PROX1: variants seen among roughly 807,000 people sequenced by gnomAD.
PROX1 encodes the protein prospero homeobox protein 1.
PROX1 carries 7 observed loss-of-function variants against 58.8 expected under a neutral mutation model. The observed-to-expected ratio is 0.12, with a 90% CI of 0.07 to 0.22. The LOEUF is 0.22. PROX1 is among the 10% of genes least tolerant of loss of function. The pLI is 1.00. For missense variants in PROX1, 675 were observed against 927.8 expected (o/e 0.73, Z 3.54); for synonymous variants, 350 against 358.3 (o/e 0.98, Z 0.26).
Position 214,039,929 on chromosome 1 carries a change from C to T in PROX1, c.*4095C>T, listed in dbSNP as rs1220670566. ...AATTTATGAAAGAAAGAGTAGTTTA[C>T]AGACTCCCCTGAAAGAAGCAGTGTA... On this transcript the variant is annotated 3_prime_UTR_variant, in exon 5 of 5. Transcript: ENST00000366958. 2 of 152,112 alleles carry T rather than the reference C, an allele frequency of 1.3e-5. No individual in the cohort carries two copies. The highest frequency in any genetic ancestry group is 4.8e-5 in the African/African-American group (2 of 41,418). 9.4% of individuals were successfully genotyped at this position (152,112 alleles called of 1,614,324 possible).
At chr1:214,018,848 G>T (rs927167199) in intron 4 of PROX1, among the ~76,000 whole-genome samples, 6 of 152,278 alleles carry the variant, frequency 3.9e-5, no homozygotes, top group African/African-American at 1.4e-4. Context: ...GGTATTTAAA[G>T]AGAACCTGTA....
intron 4 of PROX1, among the ~76,000 whole-genome samples, chr1:214,023,854 A>T (rs1233031481): frequency 6.6e-6 from 1 of 152,238 alleles, no homozygotes; most frequent in Non-Finnish European, 1.5e-5. Context: ...CCTGAGAACA[A>T]GTAAATACTT....
intron 4 of PROX1, among the ~76,000 whole-genome samples, chr1:214,018,978 T>C (rs2102748384): frequency 6.6e-6 from 1 of 152,274 alleles, no homozygotes; most frequent in African/African-American, 2.4e-5. Context: ...GCCAAGTTCT[T>C]TGTGCTACAA....
chr1:213,996,356 T>A, intron 1 of PROX1, 113 bp from the exon 2 acceptor site: 1 of 613,850 alleles, frequency 1.6e-6, no homozygotes, highest in Non-Finnish European at 2.7e-6. Context: ...ATAATTGTAA[T>A]GTGCCATAAA....
intron 4 of PROX1, among the ~76,000 whole-genome samples, chr1:214,015,769 G>A (rs935060127): frequency 2.6e-5 from 4 of 152,192 alleles, no homozygotes; most frequent in African/African-American, 9.7e-5. Context: ...AGAAAAGAAT[G>A]TGCCAGATTC....
At chr1:214,021,202 C>A (rs1247289766) in intron 4 of PROX1, among the ~76,000 whole-genome samples, 4 of 152,198 alleles carry the variant, frequency 2.6e-5, no homozygotes, top group African/African-American at 9.6e-5. Flanking sequence ...TTTTATCACC[C>A]ATGAGTTTTA....
chr1:214,036,581 A>G lies in PROX1; in HGVS notation c.*747A>G, dbSNP rs1439011500. On this transcript the variant is annotated 3_prime_UTR_variant, in exon 5 of 5. Transcript: ENST00000366958. ...TCTTGTAGCCACCTCTCTAAACTTG[A>G]AAATAGGTTCTTCTTCATAAGTGAG... 6.6e-6 allele frequency: 1 copy of G among 152,188 alleles called. No homozygotes were observed. The highest frequency in any genetic ancestry group is 1.5e-5 in the Non-Finnish European group (1 of 68,026). The allele number at this position is 152,188 out of a possible 1,614,324, so 9.4% of individuals were successfully genotyped here. A position where few individuals can be genotyped will look rare whatever the true frequency, so the allele number is the denominator to read the frequency against.
In PROX1 at chr1:214,005,086, T is replaced by C. The variant is rs1203326575; in HGVS notation, c.1726-79T>C. 6.3e-6 allele frequency: 7 copies of C among 1,106,924 alleles called. No homozygotes were observed. In the Admixed American group the frequency reaches 1.1e-4, roughly 17 times the overall value. The allele number at this position is 1,106,924 out of a possible 1,614,324, so 68.6% of individuals were successfully genotyped here. A position where few individuals can be genotyped will look rare whatever the true frequency, so the allele number is the denominator to read the frequency against. ...CAGCTTGATGGACCCCCAGACTCTATGGAGGTGGGGACTGGAGGGAGGGAG... is the reference window on the plus strand; with the variant it reads ...CAGCTTGATGGACCCCCAGACTCTACGGAGGTGGGGACTGGAGGGAGGGAG... On this transcript the variant is annotated intron_variant, in intron 2 of 4. Coordinates refer to ENST00000366958, the MANE Select transcript of PROX1 (RefSeq NM_001270616.2).
At chr1:213,984,326 T>C (rs555081896), upstream of PROX1, 3 of 152,364 alleles carry the variant, frequency 2.0e-5, no homozygotes, top group South Asian at 6.2e-4. Context: ...GGCAGACTCT[T>C]ATTTGGGAGT....
At chr1:214,033,260 G>C (rs1032948400) in intron 4 of PROX1, among the ~76,000 whole-genome samples, 1 of 152,178 alleles carries the variant, frequency 6.6e-6, no homozygotes, top group African/African-American at 2.4e-5. Flanking sequence ...CTGTATTGCC[G>C]TTGGCTGATG....
At chr1:214,003,747 C>A (rs1362633411) in intron 2 of PROX1, among the ~76,000 whole-genome samples, 2 of 152,198 alleles carry the variant, frequency 1.3e-5, no homozygotes, top group African/African-American at 2.4e-5. Flanking sequence ...TGAACAAATT[C>A]TCAGCAGAAT....
chr1:214,033,349 G>A (rs1571847484), intron 4 of PROX1, among the ~76,000 whole-genome samples: 1 of 152,188 alleles, frequency 6.6e-6, no homozygotes, highest in Non-Finnish European at 1.5e-5. Flanking sequence ...TGTAATCTCA[G>A]CACTTTGGGA....
chr1:214,017,523 G>A (rs1337897471), intron 4 of PROX1, among the ~76,000 whole-genome samples: 1 of 151,774 alleles, frequency 6.6e-6, no homozygotes, highest in African/African-American at 2.4e-5. Flanking sequence ...ACACCACTGA[G>A]AGGCCGTTTC....
upstream of PROX1, among the ~76,000 whole-genome samples, chr1:213,986,924 C>A (rs1438772537): frequency 1.3e-5 from 2 of 152,170 alleles, no homozygotes; most frequent in African/African-American, 4.8e-5. Context: ...AAATGTCAAA[C>A]CAAAGTAAAT....
chr1:213,993,397 A>G (rs1450076831), intron 1 of PROX1, among the ~76,000 whole-genome samples: 1 of 152,230 alleles, frequency 6.6e-6, no homozygotes, highest in Non-Finnish European at 1.5e-5. Context: ...AGCTTAATAC[A>G]TATCTTGAGA....
At chr1:214,000,977 A>G (rs1440138251) in intron 2 of PROX1, among the ~76,000 whole-genome samples, 1 of 149,834 alleles carries the variant, frequency 6.7e-6, no homozygotes, top group African/African-American at 2.5e-5. Context: ...ATCAATAGAA[A>G]TGGGCAGAAA....
At chr1:213,992,883 G>T (rs1482825212) in intron 1 of PROX1, among the ~76,000 whole-genome samples, 1 of 152,104 alleles carries the variant, frequency 6.6e-6, no homozygotes, top group African/African-American at 2.4e-5. Context: ...GTGTTCCTTT[G>T]AAATTCTTTA....
At chr1:214,024,382 A>G (rs976720254) in intron 4 of PROX1, among the ~76,000 whole-genome samples, 6 of 152,174 alleles carry the variant, frequency 3.9e-5, no homozygotes, top group African/African-American at 1.4e-4. Flanking sequence ...AAACCAAGGG[A>G]TGGGATTGAG....
chr1:213,986,061 C>A (rs1246504545), upstream of PROX1: 1 of 152,176 alleles, frequency 6.6e-6, no homozygotes, highest in Non-Finnish European at 1.5e-5. Context: ...CTCAATACAC[C>A]CGCTTACCTC....
Sources: allele counts gnomAD v4.1 joint callset (sites outside exome capture counted in the v4.1 genomes callset), GRCh38; gene constraint gnomAD v4.1.1; transcripts MANE v1.5; gene names NCBI Gene and HGNC (gene_info 2026-07-23, HGNC 2026-07-21).